DLG2: variants seen among roughly 807,000 people sequenced by gnomAD.
DLG2 encodes discs large MAGUK scaffold protein 2, also known as disks large homolog 2.
Under a neutral mutation model 132.5 loss-of-function variants are expected in DLG2, and 45 were observed. That is an observed-to-expected ratio of 0.34 (90% CI 0.27 to 0.44). The LOEUF (loss-of-function observed/expected upper bound fraction) is 0.44. Ranked by LOEUF, DLG2 falls within the 20% of genes least tolerant of loss-of-function variation. The pLI, the probability that DLG2 is intolerant of heterozygous loss-of-function variation, is 1.00. For synonymous variants in DLG2, 424 were observed against 419.6 expected (o/e 1.01, Z -0.13); for missense variants, 1,045 against 1,196.9 (o/e 0.87, Z 1.87).
chr11:84,350,721 T>C (rs945763038), intron 7 of DLG2, among the ~76,000 whole-genome samples: 1 of 152,254 alleles, frequency 6.6e-6, no homozygotes, highest in Non-Finnish European at 1.5e-5. Flanking sequence ...GCTCTACTTA[T>C]AACCTGCCAT....
At chr11:84,251,034 T>C (rs574673483) in intron 8 of DLG2, among the ~76,000 whole-genome samples, 13 of 152,356 alleles carry the variant, frequency 8.5e-5, no homozygotes, top group Admixed American at 2.6e-4. Flanking sequence ...TGGGCCCTTG[T>C]GTTTTACAAA....
rs547130447 is a variant in DLG2, at chr11:84,294,291, A to C, written c.520-43000T>G. On this transcript the variant is annotated intron_variant, in intron 7 of 27. Transcript: ENST00000376104. ...TGCATAAGTAAAAATTAGGAAATTG[A>C]GCTAGCTTTTTAAAGAACACCTCTT... Among the ~76,000 whole-genome samples the C allele has an allele frequency of 2.3e-3, 354 of 152,262 alleles. 1 individual carries two copies. Among genetic ancestry groups the C allele is most frequent in the Middle Eastern group, 0.014 (4 of 294 alleles).
rs1237603179 is a variant in DLG2, at chr11:83,471,495, T to A, written c.2446+131A>T. On this transcript the variant is annotated intron_variant, in intron 24 of 27. Coordinates refer to ENST00000376104, the MANE Select transcript of DLG2 (RefSeq NM_001142699.3). ...TAGGCAAATAAATTAAATAAGGCAC[T>A]CAGCTAATCGGAAATGGTTGGTATT... The A allele has an allele frequency of 6.2e-6, 4 of 641,200 alleles. No homozygotes were observed. The East Asian group carries it at 1.1e-4, about 18-fold the overall frequency. The allele number at this position is 641,200 out of a possible 1,614,324, so 39.7% of individuals were successfully genotyped here.
rs553638572 is a variant in DLG2, at chr11:83,861,516, G to T, written c.1565+12904C>A. Among the ~76,000 whole-genome samples the T allele has an allele frequency of 1.5e-4, 23 of 152,248 alleles. No individual in the cohort carries two copies. In the South Asian group the frequency reaches 4.8e-3, roughly 32 times the overall value. ...ACAGATGAATGATAAAGAAAATGTG[G>T]TATGTATACACAATGGAGCCACAAA... On this transcript the variant is annotated intron_variant, in intron 16 of 27. Transcript: ENST00000376104.
intron 6 of DLG2, among the ~76,000 whole-genome samples, chr11:84,958,225 C>T (rs2051991346): frequency 6.6e-6 from 1 of 152,090 alleles, no homozygotes; most frequent in South Asian, 2.1e-4. Context: ...ATATTTCCTG[C>T]CCCACCCTGG....
At chr11:84,721,816 C>G (rs540480019) in intron 6 of DLG2, among the ~76,000 whole-genome samples, 6 of 152,272 alleles carry the variant, frequency 3.9e-5, no homozygotes, top group Non-Finnish European at 7.4e-5. Context: ...GTTTGCTTAC[C>G]TGTAACTAGA....
At chr11:84,056,347 T>G (rs1047352458) in intron 11 of DLG2, among the ~76,000 whole-genome samples, 3 of 152,116 alleles carry the variant, frequency 2.0e-5, no homozygotes, top group Non-Finnish European at 4.4e-5. Context: ...TGCATTAGTT[T>G]GCTGAAAATT....
At chr11:83,944,236 C>A (rs910974364) in intron 14 of DLG2, among the ~76,000 whole-genome samples, 2 of 152,192 alleles carry the variant, frequency 1.3e-5, no homozygotes, top group Admixed American at 1.3e-4. Flanking sequence ...ATGGCTTTCC[C>A]GTTTATGCTC....
intron 19 of DLG2, among the ~76,000 whole-genome samples, chr11:83,559,264 A>AG (rs1196850041): frequency 6.6e-6 from 1 of 152,100 alleles, no homozygotes; most frequent in East Asian, 1.9e-4. Context: ...TTGGGTGTGC[A>AG]GGGGGGAAAT....
At chr11:84,769,539 C>T (rs1177554638) in intron 6 of DLG2, among the ~76,000 whole-genome samples, 9 of 152,118 alleles carry the variant, frequency 5.9e-5, no homozygotes, top group Admixed American at 2.0e-4. Context: ...AAGTAAGCAA[C>T]GTGGAAAACA....
At chr11:84,508,400 C>G (rs1354808776) in intron 7 of DLG2, among the ~76,000 whole-genome samples, 1 of 141,086 alleles carries the variant, frequency 7.1e-6, no homozygotes, top group African/African-American at 2.6e-5. Flanking sequence ...CTTTCTTTAC[C>G]TTTTTTTTTT....
intron 3 of DLG2, among the ~76,000 whole-genome samples, chr11:85,424,367 T>C (rs543831782): frequency 1.3e-5 from 2 of 152,292 alleles, no homozygotes; most frequent in South Asian, 2.1e-4. Flanking sequence ...CAAAAATTCA[T>C]GATGCAAGGC....
At chr11:84,229,039 G>A (rs1312019661) in intron 8 of DLG2, among the ~76,000 whole-genome samples, 1 of 152,138 alleles carries the variant, frequency 6.6e-6, no homozygotes, top group African/African-American at 2.4e-5. Context: ...TATATCATAT[G>A]TACTCTATAG....
At chr11:84,848,791 T>A (rs968688497) in intron 6 of DLG2, among the ~76,000 whole-genome samples, 2 of 152,148 alleles carry the variant, frequency 1.3e-5, no homozygotes, top group Non-Finnish European at 1.5e-5. Flanking sequence ...GGGACATGGG[T>A]CACTTGGGGC....
intron 6 of DLG2, among the ~76,000 whole-genome samples, chr11:84,926,779 T>C (rs983541723): frequency 2.6e-5 from 4 of 152,026 alleles, no homozygotes; most frequent in Non-Finnish European, 1.5e-5. Flanking sequence ...AAGGAAATAC[T>C]AGAAACTGTG....
intron 16 of DLG2, among the ~76,000 whole-genome samples, chr11:83,864,715 C>T (rs1042139804): frequency 2.0e-5 from 3 of 152,058 alleles, no homozygotes; most frequent in African/African-American, 4.8e-5. Context: ...AGGATACAGA[C>T]GTGCTCTTTC....
At chr11:84,063,750 T>C (rs543254996) in intron 10 of DLG2, among the ~76,000 whole-genome samples, 132 of 152,280 alleles carry the variant, frequency 8.7e-4, no homozygotes, top group African/African-American at 3.0e-3. Flanking sequence ...TAAGAAAATA[T>C]GGCACATATA....
chr11:83,627,646 C>A (rs1309606913), intron 19 of DLG2, among the ~76,000 whole-genome samples: 5 of 152,186 alleles, frequency 3.3e-5, no homozygotes, highest in Non-Finnish European at 7.3e-5. Context: ...CAAGTCTTTG[C>A]TATTGTGAAT....
At chr11:83,558,311 A>G (rs1168734169) in intron 19 of DLG2, among the ~76,000 whole-genome samples, 1 of 152,202 alleles carries the variant, frequency 6.6e-6, no homozygotes, top group African/African-American at 2.4e-5. Context: ...TCAGAAATTT[A>G]AAAAATTTTT....
Sources: gnomAD v4.1 joint callset for allele counts (sites outside exome capture counted in the v4.1 genomes callset) on GRCh38, gnomAD v4.1.1 for gene constraint, MANE v1.5 for transcripts, NCBI Gene and HGNC (gene_info 2026-07-23, HGNC 2026-07-21) for gene names.